Variants in EIF4G3 observed in about 807,000 individuals in gnomAD.
The protein encoded by EIF4G3 is eIF-4-gamma 3.
Under a neutral mutation model 186.4 loss-of-function variants are expected in EIF4G3, and 34 were observed. The observed-to-expected ratio is 0.18, with a 90% CI of 0.14 to 0.24. The LOEUF (loss-of-function observed/expected upper bound fraction) is 0.24. Ranked by LOEUF, EIF4G3 falls within the 10% of genes least tolerant of loss-of-function variation. EIF4G3 has a pLI of 1.00. For synonymous variants in EIF4G3, 673 were observed against 679.5 expected (o/e 0.99, Z 0.15); for missense variants, 1,536 against 1,948.5 (o/e 0.79, Z 3.99).
chr1:21,174,895 C>A (rs1573834444), intron 2 of EIF4G3, among the ~76,000 whole-genome samples: 2 of 152,248 alleles, frequency 1.3e-5, no homozygotes, highest in East Asian at 3.9e-4. Context: ...GTTTAAAGAA[C>A]AGAGAAAATG....
At chr1:21,050,503 A>G (rs964353282) in intron 4 of EIF4G3, among the ~76,000 whole-genome samples, 4 of 152,364 alleles carry the variant, frequency 2.6e-5, no homozygotes, top group African/African-American at 9.6e-5. Flanking sequence ...TAAGTAGAAA[A>G]TAACCATTAA....
chr1:20,875,154 AT>A (rs1279855735), intron 20 of EIF4G3, among the ~76,000 whole-genome samples: 1 of 151,910 alleles, frequency 6.6e-6, no homozygotes, highest in East Asian at 1.9e-4. Context: ...TCATTTTTTA[AT>A]TTTTTATTTG....
intron 14 of EIF4G3, chr1:20,941,204 T>G: frequency 1.3e-6 from 2 of 1,505,918 alleles, no homozygotes; most frequent in East Asian, 4.9e-5. Context: ...TTCATATGAA[T>G]GAGGCAATAG....
intron 2 of EIF4G3, among the ~76,000 whole-genome samples, chr1:21,124,914 A>T (rs1349561735): frequency 6.6e-6 from 1 of 152,184 alleles, no homozygotes. Flanking sequence ...CACAGTGCTG[A>T]TTATCCCTCT....
chr1:21,092,938 C>T (rs535591220), intron 2 of EIF4G3, among the ~76,000 whole-genome samples: 36 of 152,226 alleles, frequency 2.4e-4, no homozygotes, highest in Non-Finnish European at 4.3e-4. Flanking sequence ...ACACCTTACA[C>T]AAAAATTAAT....
intron 20 of EIF4G3, among the ~76,000 whole-genome samples, chr1:20,869,704 G>T (rs2078616254): frequency 6.6e-6 from 1 of 150,612 alleles, no homozygotes; most frequent in Admixed American, 6.6e-5. Flanking sequence ...GAACCCGGGA[G>T]GCGAAGCTTG....
intron 4 of EIF4G3, among the ~76,000 whole-genome samples, chr1:21,017,886 G>A (rs1571069848): frequency 6.6e-6 from 1 of 152,038 alleles, no homozygotes; most frequent in Non-Finnish European, 1.5e-5. Flanking sequence ...TGGACAAAAA[G>A]TTTCAGTTTT....
At chr1:20,976,642 T>C (rs996955671) in intron 10 of EIF4G3, among the ~76,000 whole-genome samples, 17 of 152,348 alleles carry the variant, frequency 1.1e-4, no homozygotes, top group African/African-American at 3.4e-4. Context: ...TATAAGAAAC[T>C]GAATGGCAGG....
At chr1:21,172,393 C>A (rs1161767830) in intron 2 of EIF4G3, among the ~76,000 whole-genome samples, 1 of 152,136 alleles carries the variant, frequency 6.6e-6, no homozygotes, top group Non-Finnish European at 1.5e-5. Context: ...CCAAAAGGAC[C>A]AAGTTCTTTG....
At chr1:20,940,779 T>C (rs143419299) in intron 14 of EIF4G3, among the ~76,000 whole-genome samples, 10 of 152,342 alleles carry the variant, frequency 6.6e-5, no homozygotes, top group Non-Finnish European at 1.3e-4. Context: ...AAGCCTCAGA[T>C]AACTTTTGAT....
intron 3 of EIF4G3, among the ~76,000 whole-genome samples, chr1:21,073,284 T>A (rs1388859321): frequency 1.3e-5 from 2 of 152,218 alleles, no homozygotes; most frequent in Non-Finnish European, 2.9e-5. Context: ...CTAGATTTTG[T>A]CAGCCTCTAG....
At chr1:20,838,432 T>A (rs1178310462) in intron 30 of EIF4G3, among the ~76,000 whole-genome samples, 2 of 152,210 alleles carry the variant, frequency 1.3e-5, no homozygotes, top group Non-Finnish European at 2.9e-5. Context: ...AACAGTATTA[T>A]TTCTAGGAAA....
chr1:20,989,562 A>C (rs1264564671), intron 7 of EIF4G3, among the ~76,000 whole-genome samples: 1 of 138,242 alleles, frequency 7.2e-6, no homozygotes, highest in Admixed American at 7.0e-5. Flanking sequence ...CAACTCAAAA[A>C]AAAAAAAAAA....
At chr1:21,111,602 T>TA (rs1305025130) in intron 2 of EIF4G3, 2 of 269,152 alleles carry the variant, frequency 7.4e-6, no homozygotes, top group African/African-American at 4.4e-5. Flanking sequence ...TACAATAAAA[T>TA]ATTATTACAA....
intron 2 of EIF4G3, among the ~76,000 whole-genome samples, chr1:21,164,467 CTG>C (rs1266141134): frequency 6.6e-6 from 1 of 152,156 alleles, no homozygotes; most frequent in East Asian, 1.9e-4. Context: ...TGGCTGATGT[CTG>C]TAATTCCAAC....
chr1:21,085,166 G>A (rs1290654336), intron 3 of EIF4G3, among the ~76,000 whole-genome samples: 5 of 151,184 alleles, frequency 3.3e-5, no homozygotes, highest in Non-Finnish European at 7.4e-5. Context: ...CTCCAAAAAT[G>A]GTTATAGTAT....
chr1:21,149,961 G>C (rs192714530), intron 2 of EIF4G3, among the ~76,000 whole-genome samples: 35 of 152,354 alleles, frequency 2.3e-4, no homozygotes, highest in Non-Finnish European at 3.4e-4. Context: ...TTCTACTGCA[G>C]AGAATGGGTG....
At chr1:20,947,787 A>C (rs2096033437) in intron 13 of EIF4G3, among the ~76,000 whole-genome samples, 1 of 152,204 alleles carries the variant, frequency 6.6e-6, no homozygotes, top group Non-Finnish European at 1.5e-5. Flanking sequence ...CTTTCCAATT[A>C]AGCCTATATT....
rs745994476 is a variant in EIF4G3 at position 21,176,226 on chromosome 1, ACCGCTGCCGCCGCCG to A, written c.-338_-324del. Reference sequence around the variant, plus strand: ...CCTGATGTTCGGGTGAGGAGGGGGGACCGCTGCCGCCGCCGCCGCCGCCGCCGCCGCCGCCGCCGC... The same window carrying A: ...CCTGATGTTCGGGTGAGGAGGGGGGACCGCCGCCGCCGCCGCCGCCGCCGC... On this transcript the variant is annotated 5_prime_UTR_variant, in exon 2 of 37. Coordinates refer to ENST00000602326, the MANE Select transcript of EIF4G3 (RefSeq NM_001391906.1). The A allele has an allele frequency of 1.3e-4, 53 of 400,654 alleles. 3 individuals carry two copies. The South Asian group carries it at 2.9e-3, about 22-fold the overall frequency. 24.8% of individuals were successfully genotyped at this position (400,654 alleles called of 1,614,324 possible).
Sources: allele counts gnomAD v4.1 joint callset (sites outside exome capture counted in the v4.1 genomes callset), GRCh38; gene constraint gnomAD v4.1.1; transcripts MANE v1.5; gene names NCBI Gene and HGNC (gene_info 2026-07-23, HGNC 2026-07-21).